DAB1: variants seen among roughly 807,000 people sequenced by gnomAD.
The protein encoded by DAB1 is DAB adaptor protein 1.
A neutral mutation model predicts 64.6 loss-of-function variants in DAB1; 15 were observed. The observed-to-expected ratio is 0.23, with a 90% CI of 0.16 to 0.36. The LOEUF (loss-of-function observed/expected upper bound fraction) is 0.36, where lower values mean the gene tolerates loss of function less well. Ranked by LOEUF, DAB1 falls within the 10% of genes least tolerant of loss-of-function variation. DAB1 has a pLI of 1.00. For missense variants in DAB1, 596 were observed against 706.7 expected (o/e 0.84, Z 1.78); for synonymous variants, 235 against 251.9 (o/e 0.93, Z 0.64).
intron 4 of DAB1, among the ~76,000 whole-genome samples, chr1:58,326,152 C>T (rs1050931469): frequency 2.0e-5 from 3 of 152,138 alleles, no homozygotes; most frequent in Non-Finnish European, 2.9e-5. Context: ...GAAAAAAGCC[C>T]CAAATGCTAA....
intron 4 of DAB1, among the ~76,000 whole-genome samples, chr1:57,124,028 A>G (rs1363387645): frequency 6.6e-6 from 1 of 152,166 alleles, no homozygotes. Context: ...ATCAACTACC[A>G]CTGTGTAACT....
intron 4 of DAB1, among the ~76,000 whole-genome samples, chr1:58,251,562 A>C (rs1415762163): frequency 6.6e-6 from 1 of 152,202 alleles, no homozygotes; most frequent in Admixed American, 6.5e-5. Context: ...TAGAGGGAAC[A>C]AGAGCCAAGG....
intron 1 of DAB1, among the ~76,000 whole-genome samples, chr1:57,414,201 T>C (rs1052570945): frequency 1.3e-5 from 2 of 152,094 alleles, no homozygotes; most frequent in African/African-American, 4.8e-5. Flanking sequence ...CAAACAGCAT[T>C]GCATTCTATA....
chr1:57,522,667 G>A (rs1644542777), intron 7 of DAB1, among the ~76,000 whole-genome samples: 2 of 152,188 alleles, frequency 1.3e-5, no homozygotes, highest in African/African-American at 4.8e-5. Flanking sequence ...TGATTGGATT[G>A]AAGGATGCAA....
chr1:57,332,568 G>A (rs1676760189), intron 1 of DAB1, among the ~76,000 whole-genome samples: 1 of 152,152 alleles, frequency 6.6e-6, no homozygotes, highest in Admixed American at 6.5e-5. Context: ...CCAAGGTTCA[G>A]CTTCCTTTCT....
chr1:57,708,646 G>C (rs1345269743), intron 6 of DAB1, among the ~76,000 whole-genome samples: 1 of 152,204 alleles, frequency 6.6e-6, no homozygotes, highest in African/African-American at 2.4e-5. Context: ...TTCCCTGTGG[G>C]CCAGGGCTGG....
At chr1:58,433,325 G>A (rs1644900129) in intron 3 of DAB1, among the ~76,000 whole-genome samples, 1 of 152,140 alleles carries the variant, frequency 6.6e-6, no homozygotes, top group African/African-American at 2.4e-5. Flanking sequence ...AATGTGGTCA[G>A]GGTAAGTCTC....
chr1:57,462,849 G>A (rs998072235), intron 7 of DAB1, among the ~76,000 whole-genome samples: 1 of 152,130 alleles, frequency 6.6e-6, no homozygotes, highest in Non-Finnish European at 1.5e-5. Context: ...ATCCAGGGAT[G>A]TAAATAGGAT....
At chr1:57,893,944 C>T (rs1644354569) in intron 5 of DAB1, among the ~76,000 whole-genome samples, 1 of 152,112 alleles carries the variant, frequency 6.6e-6, no homozygotes. Context: ...TTGTATACAG[C>T]CTCCTAGGGA....
intron 4 of DAB1, among the ~76,000 whole-genome samples, chr1:58,198,128 G>A (rs1230490883): frequency 2.6e-5 from 4 of 152,162 alleles, no homozygotes; most frequent in East Asian, 3.9e-4. Context: ...AAGAAGTCAC[G>A]ACAGCTGCAT....
chr1:57,854,842 C>G (rs1184899149), intron 1 of DAB1, among the ~76,000 whole-genome samples: 1 of 152,130 alleles, frequency 6.6e-6, no homozygotes, highest in Non-Finnish European at 1.5e-5. Context: ...CTGAAAAGGG[C>G]CTTTTATGTG....
At chr1:57,558,939 A>G (rs1645020294) in intron 7 of DAB1, among the ~76,000 whole-genome samples, 1 of 152,192 alleles carries the variant, frequency 6.6e-6, no homozygotes, top group Non-Finnish European at 1.5e-5. Context: ...TTGTGTCAGC[A>G]GCACCTGGAT....
chr1:57,641,902 T>C (rs1646135351), intron 7 of DAB1, among the ~76,000 whole-genome samples: 1 of 152,144 alleles, frequency 6.6e-6, no homozygotes, highest in Non-Finnish European at 1.5e-5. Flanking sequence ...TTTAGGGAAG[T>C]TGTGAGCAGT....
chr1:57,534,763 A>G (rs1268118676), intron 7 of DAB1, among the ~76,000 whole-genome samples: 4 of 152,156 alleles, frequency 2.6e-5, no homozygotes. Flanking sequence ...TGGTGGAATC[A>G]GCCTTTGAAA....
intron 2 of DAB1, among the ~76,000 whole-genome samples, chr1:58,515,333 CAT>C (rs1017223795): frequency 6.6e-6 from 1 of 152,102 alleles, no homozygotes; most frequent in Admixed American, 6.6e-5. Context: ...AAATGAAAGA[CAT>C]ATGTTGGTCA....
Position 57,132,721 on chromosome 1 carries a change from A to AT in DAB1, c.306+3821dup, listed in dbSNP as rs566208533. The stretch of plus-strand genomic sequence containing the variant: ...AGGGATACTCAACCTGTATTGTCTA[A>AT]TCATATATGGGTTATACTGTCAACA... On this transcript the variant is annotated intron_variant, in intron 4 of 14. Transcript: ENST00000371236. 1.6e-3 allele frequency among the ~76,000 whole-genome samples: 245 copies of AT among 152,236 alleles called. 1 individual carries two copies. The highest frequency in any genetic ancestry group is 5.7e-3 in the African/African-American group (236 of 41,536).
intron 5 of DAB1, among the ~76,000 whole-genome samples, chr1:57,949,393 T>A (rs1057164981): frequency 2.0e-5 from 3 of 152,166 alleles, no homozygotes; most frequent in Admixed American, 2.0e-4. Context: ...GCCCAGTTTA[T>A]AACAGGCCAT....
At chr1:57,697,422 TAA>T (rs56655539) in intron 6 of DAB1, among the ~76,000 whole-genome samples, 232 of 57,886 alleles carry the variant, frequency 4.0e-3, no homozygotes, top group African/African-American at 0.01. Flanking sequence ...CTCACGTTTC[TAA>T]AAAAAAAAAA....
At chr1:58,121,052 A>AT (rs1434124909) in intron 5 of DAB1, among the ~76,000 whole-genome samples, 2 of 151,972 alleles carry the variant, frequency 1.3e-5, no homozygotes, top group South Asian at 2.1e-4. Context: ...TACTATCTTG[A>AT]TTTTTTTCCA....
Sources: gnomAD v4.1 joint callset for allele counts (sites outside exome capture counted in the v4.1 genomes callset) on GRCh38, gnomAD v4.1.1 for gene constraint, MANE v1.5 for transcripts, NCBI Gene and HGNC (gene_info 2026-07-23, HGNC 2026-07-21) for gene names.